YLPM1: variants seen among roughly 807,000 people sequenced by gnomAD.
YLPM1 encodes the protein YLP motif-containing protein 1.
In YLPM1, 99 loss-of-function variants were observed where a neutral mutation model predicts 230.0. That is an observed-to-expected ratio of 0.43 (90% confidence interval 0.37 to 0.51). The LOEUF is 0.51. YLPM1 is among the 20% of genes least tolerant of loss of function. YLPM1 has a pLI of 0.00. For synonymous variants in YLPM1, 984 were observed against 942.5 expected (o/e 1.04, Z -0.81); for missense variants, 2,592 against 2,707.7 (o/e 0.96, Z 0.95).
rs376431395 is a variant in YLPM1, at chr14:74,806,082, TGTG to T, written c.4522-3293_4522-3291del. Reference sequence around the variant, plus strand: ...CTATAATAGTTGTATAATGGCCGGGTGTGGTGGCTCATGCCTGCAATGCCAGCA... The same window carrying T: ...CTATAATAGTTGTATAATGGCCGGGTGTGGCTCATGCCTGCAATGCCAGCA... On this transcript the variant is annotated intron_variant, in intron 6 of 20. Transcript: ENST00000325680. Among the ~76,000 whole-genome samples the T allele has an allele frequency of 6.7e-5, 10 of 150,308 alleles. No homozygotes were observed. In the East Asian group the frequency reaches 1.0e-3, roughly 15 times the overall value.
intron 4 of YLPM1, among the ~76,000 whole-genome samples, chr14:74,786,148 G>A (rs185317915): frequency 1.1e-3 from 160 of 152,058 alleles, no homozygotes; most frequent in Non-Finnish European, 1.9e-3. Context: ...CGGATCATGA[G>A]GTTAAGAGTT....
intron 6 of YLPM1, among the ~76,000 whole-genome samples, chr14:74,809,101 G>A (rs142205311): frequency 7.1e-4 from 106 of 150,240 alleles, no homozygotes; most frequent in African/African-American, 2.5e-3. Flanking sequence ...TCATCTTTTG[G>A]CCATAGTTTT....
chr14:74,811,495 G>A, intron 9 of YLPM1, 125 bp from the exon 10 acceptor site: 2 of 626,060 alleles, frequency 3.2e-6, no homozygotes, highest in South Asian at 3.9e-5. Context: ...AAAAAAAAAA[G>A]TAAACATTTA....
At chr14:74,824,842 C>T (rs1443406798) in intron 18 of YLPM1, among the ~76,000 whole-genome samples, 1 of 151,972 alleles carries the variant, frequency 6.6e-6, no homozygotes, top group African/African-American at 2.4e-5. Context: ...ATTGTTAATG[C>T]CAAATTCCAA....
intron 11 of YLPM1, 60 bp from the exon 12 acceptor site, chr14:74,816,143 C>G: frequency 6.7e-7 from 1 of 1,490,808 alleles, no homozygotes; most frequent in Non-Finnish European, 9.1e-7. Context: ...TAACTGTTAT[C>G]TCATTGCAGA....
At chr14:74,835,073 G>A in intron 19 of YLPM1, 192 bp from the exon 20 acceptor site, 1 of 634,160 alleles carries the variant, frequency 1.6e-6, no homozygotes. Flanking sequence ...GTTAGGACTT[G>A]GATTGTCCAG....
chr14:74,774,744 A>G (rs1173359659), intron 1 of YLPM1, among the ~76,000 whole-genome samples: 4 of 150,678 alleles, frequency 2.7e-5, no homozygotes, highest in Admixed American at 1.3e-4. Context: ...GGGTTTCACC[A>G]TGTTGGCCAG....
chr14:74,766,623 A>G (rs900839337), intron 1 of YLPM1, among the ~76,000 whole-genome samples: 2 of 145,376 alleles, frequency 1.4e-5, no homozygotes, highest in Middle Eastern at 3.6e-3. Flanking sequence ...GGTGCATGCC[A>G]CCATGCCTGG....
At chr14:74,827,803 C>T in intron 18 of YLPM1, 1 of 985,376 alleles carries the variant, frequency 1.0e-6, no homozygotes, top group Non-Finnish European at 1.2e-6. Context: ...ATACCATAAC[C>T]TGTGTCCCTG....
intron 11 of YLPM1, among the ~76,000 whole-genome samples, 167 bp downstream of exon 11, chr14:74,812,949 A>G (rs905348202): frequency 1.3e-5 from 2 of 152,230 alleles, no homozygotes; most frequent in Non-Finnish European, 2.9e-5. Context: ...GGCCTACACT[A>G]TAGAATCTTT....
intron 4 of YLPM1, among the ~76,000 whole-genome samples, chr14:74,792,559 C>A (rs1414138227): frequency 6.6e-6 from 1 of 152,198 alleles, no homozygotes; most frequent in Non-Finnish European, 1.5e-5. Context: ...ACCCACTGCT[C>A]CATGCCCTCC....
At chr14:74,813,772 T>A (rs2091454842) in intron 11 of YLPM1, among the ~76,000 whole-genome samples, 1 of 152,228 alleles carries the variant, frequency 6.6e-6, no homozygotes, top group South Asian at 2.1e-4. Context: ...GGATTGTTCC[T>A]TGCAAATATA....
At chr14:74,775,993 A>G (rs999767780) in intron 1 of YLPM1, among the ~76,000 whole-genome samples, 3 of 152,192 alleles carry the variant, frequency 2.0e-5, no homozygotes, top group African/African-American at 7.2e-5. Context: ...GTAGAATCAT[A>G]TGCTTTTGTT....
intron 1 of YLPM1, among the ~76,000 whole-genome samples, chr14:74,765,676 C>T (rs2090905108): frequency 6.6e-6 from 1 of 152,206 alleles, no homozygotes; most frequent in Non-Finnish European, 1.5e-5. Context: ...TATTCTCACT[C>T]TACTAGACTG....
rs1265597362 is a variant in YLPM1, at chr14:74,812,704, A to G, written c.5424A>G (p.Pro1808=). ...TGAGCCACCAGCCTCCTCCAGCTCC[A>G]CGAGTCGAGAAGAAGCCTGAATCAA... is the stretch of plus-strand genomic sequence containing the variant. ...PSLSHQPPPA[P]RVEKKPESKN... Residue 1808 remains proline, a synonymous_variant, in exon 11 of 21, where the codon CCA becomes CCG. Transcript: ENST00000325680. 6.2e-6 allele frequency: 10 copies of G among 1,613,584 alleles called. No homozygotes were observed. The highest frequency in any genetic ancestry group is 8.5e-6 in the Non-Finnish European group (10 of 1,179,714).
chr14:74,776,210 T>C (rs149981365), intron 1 of YLPM1, among the ~76,000 whole-genome samples: 28 of 152,314 alleles, frequency 1.8e-4, no homozygotes, highest in African/African-American at 6.0e-4. Context: ...TTTTCTTTAT[T>C]TGAGATTTTT....
Position 74,797,801 on chromosome 14 carries a change from C to T in YLPM1, c.2504C>T (p.Pro835Leu). The T allele has an allele frequency of 6.2e-6, 10 of 1,613,902 alleles. No individual in the cohort carries two copies. The highest frequency in any genetic ancestry group is 8.5e-6 in the Non-Finnish European group (10 of 1,179,892). Residue 835 changes from proline (P) to leucine (L), a missense_variant, in exon 5 of 21, where the codon CCA becomes CTA. Pro to Leu is a moderately conservative substitution (Grantham distance 98, BLOSUM62 -3). Around this residue, in one of 4 missense-constraint regions of YLPM1, gnomAD observed 1,862 missense variants for 1,819.8 expected, o/e 1.02. Transcript: ENST00000325680. ...TCCCTAAGTCCTCGACAGAGTGGAC[C>T]ACAGTGGAAAGGCCCCAAACCAGCT... ...STSLSPRQSG[P>L]QWKGPKPAFG...
At chr14:74,835,112 A>G (rs1447787475) in intron 19 of YLPM1, 153 bp from the exon 20 acceptor site, 5 of 936,838 alleles carry the variant, frequency 5.3e-6, no homozygotes, top group African/African-American at 1.7e-5. Context: ...CTTAAAATAT[A>G]TGGCTTTTCC....
At chr14:74,828,193 T>G (rs1054470599) in intron 18 of YLPM1, among the ~76,000 whole-genome samples, 1 of 152,194 alleles carries the variant, frequency 6.6e-6, no homozygotes, top group Non-Finnish European at 1.5e-5. Flanking sequence ...ACGTGGTGTC[T>G]GAAAGATTTT....
Sources: allele counts gnomAD v4.1 joint callset (sites outside exome capture counted in the v4.1 genomes callset), GRCh38; gene constraint gnomAD v4.1.1; regional missense constraint gnomAD v4.1.1; transcripts MANE v1.5; gene names NCBI Gene and HGNC (gene_info 2026-07-23, HGNC 2026-07-21).